SRGAP3: variants seen among roughly 807,000 people sequenced by gnomAD.
SRGAP3 encodes SLIT-ROBO Rho GTPase activating protein 3, also known as SLIT-ROBO Rho GTPase-activating protein 3.
SRGAP3 carries 39 observed loss-of-function variants against 121.1 expected under a neutral mutation model. The observed-to-expected ratio is 0.32, with a 90% confidence interval of 0.25 to 0.42. The LOEUF (loss-of-function observed/expected upper bound fraction) is 0.42. Ranked by LOEUF, SRGAP3 falls within the 10% of genes least tolerant of loss-of-function variation. The pLI is 1.00. For missense variants in SRGAP3, 1,213 were observed against 1,470.6 expected, an observed-to-expected ratio of 0.82 and a Z score of 2.86; for synonymous variants, 601 against 570.0, an observed-to-expected ratio of 1.05 and a Z score of -0.77.
At chr3:9,289,043 T>A (rs1413232311) in intron 3 of SRGAP3, among the ~76,000 whole-genome samples, 1 of 152,168 alleles carries the variant, frequency 6.6e-6, no homozygotes, top group Non-Finnish European at 1.5e-5. Context: ...ACTACAGGCA[T>A]GCGCCATCAA....
At chr3:9,108,827 A>G (rs1948515641) in intron 2 of SRGAP3, among the ~76,000 whole-genome samples, 3 of 152,070 alleles carry the variant, frequency 2.0e-5, no homozygotes. Context: ...TTCAAAAGAG[A>G]AATAGTGAGG....
At chr3:9,129,778 T>C (rs187832373) in intron 1 of SRGAP3, among the ~76,000 whole-genome samples, 55 of 152,158 alleles carry the variant, frequency 3.6e-4, no homozygotes, top group African/African-American at 1.2e-3. Flanking sequence ...TTTTTTTTTT[T>C]TGAGACAGAG....
chr3:9,152,348 A>G (rs564612664), intron 1 of SRGAP3, among the ~76,000 whole-genome samples: 17 of 152,306 alleles, frequency 1.1e-4, no homozygotes, highest in South Asian at 1.0e-3. Flanking sequence ...GAGATGGGAG[A>G]GGGTGTCCAC....
At chr3:8,992,766 G>A (rs528928230) in intron 20 of SRGAP3, 140 bp downstream of exon 20, 90 of 1,494,720 alleles carry the variant, frequency 6.0e-5, no homozygotes, top group Admixed American at 8.5e-5. Context: ...CAGCCAGCCC[G>A]CCCAGTGTGC....
chr3:9,028,660 G>A (rs1261573485), intron 12 of SRGAP3, among the ~76,000 whole-genome samples: 1 of 152,170 alleles, frequency 6.6e-6, no homozygotes, highest in African/African-American at 2.4e-5. Context: ...ATGTCTACAA[G>A]GTACCCTCTG....
chr3:9,224,787 G>T (rs1239267467), intron 1 of SRGAP3, among the ~76,000 whole-genome samples: 1 of 152,240 alleles, frequency 6.6e-6, no homozygotes, highest in Admixed American at 6.5e-5. Flanking sequence ...TCTCCTAAGT[G>T]AGAAGCCTGC....
chr3:9,320,168 G>C (rs1442032015), intron 3 of SRGAP3, among the ~76,000 whole-genome samples: 1 of 151,882 alleles, frequency 6.6e-6, no homozygotes, highest in Non-Finnish European at 1.5e-5. Context: ...TTGTTAACCT[G>C]GTAAGTAAAC....
At chr3:9,342,394 C>T (rs1416124442) in intron 1 of SRGAP3, among the ~76,000 whole-genome samples, 1 of 151,974 alleles carries the variant, frequency 6.6e-6, no homozygotes, top group Non-Finnish European at 1.5e-5. Flanking sequence ...GATTGTATTT[C>T]ATGAGAATCA....
intron 11 of SRGAP3, chr3:9,033,809 G>C (rs531472473): frequency 1.3e-5 from 2 of 152,204 alleles, no homozygotes; most frequent in Non-Finnish European, 2.9e-5. Context: ...CCATTTTACA[G>C]AGGCAGAGAC....
At chr3:8,992,690 T>C (rs1942128772) in intron 20 of SRGAP3, 1 of 682,808 alleles carries the variant, frequency 1.5e-6, no homozygotes, top group East Asian at 2.7e-5. Context: ...AACACATGTC[T>C]TTCCTCCTCC....
intron 3 of SRGAP3, among the ~76,000 whole-genome samples, chr3:9,265,144 A>G (rs898940155): frequency 4.6e-5 from 7 of 152,228 alleles, no homozygotes; most frequent in African/African-American, 1.4e-4. Context: ...TATTTAATAA[A>G]TGGTGTTGGA....
intron 1 of SRGAP3, among the ~76,000 whole-genome samples, chr3:9,169,286 T>C (rs1301330206): frequency 6.6e-6 from 1 of 152,202 alleles, no homozygotes; most frequent in Non-Finnish European, 1.5e-5. Flanking sequence ...ATATGAGACA[T>C]AGCCCCTGCC....
Position 8,983,855 on chromosome 3 carries a change from T to G in SRGAP3, c.*1664A>C, listed in dbSNP as rs1393191369. On this transcript the variant is annotated 3_prime_UTR_variant, in exon 22 of 22. Transcript: ENST00000383836. ...CAGAAGGCTCCTAAGTGCTCAGGGC[T>G]GGGACTCAGACTCTGGGCCTTTTGA... The G allele has an allele frequency of 4.4e-6, 1 of 229,840 alleles. No individual in the cohort carries two copies. The highest frequency in any genetic ancestry group is 2.2e-5 in the African/African-American group (1 of 45,162). 14.2% of individuals were successfully genotyped at this position (229,840 alleles called of 1,614,324 possible). A position where few individuals can be genotyped will look rare whatever the true frequency, so the allele number is the denominator to read the frequency against.
At chr3:9,314,587 G>A (rs1007571191) in intron 3 of SRGAP3, among the ~76,000 whole-genome samples, 1 of 152,048 alleles carries the variant, frequency 6.6e-6, no homozygotes, top group Non-Finnish European at 1.5e-5. Context: ...TGTAATACTG[G>A]GTGAGTTTTT....
intron 1 of SRGAP3, among the ~76,000 whole-genome samples, chr3:9,131,460 A>G (rs575577110): frequency 3.4e-4 from 35 of 102,676 alleles, no homozygotes; most frequent in Non-Finnish European, 4.1e-4. Context: ...TTTTTTTGAG[A>G]TGGAGTCTCA....
intron 3 of SRGAP3, among the ~76,000 whole-genome samples, chr3:9,257,698 C>CTTTTTTT (rs386395913): frequency 0.014 from 1,057 of 73,248 alleles, 258 homozygotes; most frequent in South Asian, 0.02. Context: ...AAAATAGCTC[C>CTTTTTTT]TTTTTTTTTT....
intron 19 of SRGAP3, 117 bp downstream of exon 19, chr3:8,994,226 G>T: frequency 1.5e-6 from 2 of 1,303,990 alleles, no homozygotes; most frequent in Admixed American, 1.7e-5. Flanking sequence ...AAGAACAAGC[G>T]TATGATATCA....
At chr3:9,058,710 CT>C in intron 6 of SRGAP3, 1 of 448,158 alleles carries the variant, frequency 2.2e-6, no homozygotes, top group African/African-American at 2.2e-5. Flanking sequence ...ATCTTTCTCT[CT>C]CTCTTTTTTT....
chr3:9,089,942 T>C (rs1384645991), intron 3 of SRGAP3, among the ~76,000 whole-genome samples: 1 of 151,930 alleles, frequency 6.6e-6, no homozygotes, highest in Non-Finnish European at 1.5e-5. Flanking sequence ...TCTTCAGGAG[T>C]CTTGCACTGC....
Sources: allele counts gnomAD v4.1 joint callset (sites outside exome capture counted in the v4.1 genomes callset), GRCh38; gene constraint gnomAD v4.1.1; transcripts MANE v1.5; gene names NCBI Gene and HGNC (gene_info 2026-07-23, HGNC 2026-07-21).